The following ARHGAP32 variants were observed in gnomAD, a reference collection of about 807,000 sequenced individuals.
ARHGAP32 encodes the protein Rho GTPase activating protein 32.
A neutral mutation model predicts 186.5 loss-of-function variants in ARHGAP32; 51 were observed. The ratio of observed to expected loss-of-function variants is 0.27; its 90% CI spans 0.22 to 0.35. The LOEUF is 0.35. Ranked by LOEUF, ARHGAP32 falls within the 10% of genes least tolerant of loss-of-function variation. ARHGAP32 has a pLI of 1.00. For synonymous variants in ARHGAP32, 950 were observed against 964.3 expected (o/e 0.99, Z 0.27); for missense variants, 2,186 against 2,623.5 (o/e 0.83, Z 3.64).
At chr11:128,980,355 A>T (rs921766295) in intron 18 of ARHGAP32, 198 bp downstream of exon 18, 11 of 440,602 alleles carry the variant, frequency 2.5e-5, no homozygotes, top group African/African-American at 1.0e-4. Context: ...ATTACATGAC[A>T]TTGTAAAGCA....
intron 6 of ARHGAP32, among the ~76,000 whole-genome samples, chr11:129,088,994 T>TGAAAAA (rs1565416702): frequency 1.5e-5 from 1 of 65,572 alleles, no homozygotes. Context: ...AGAGACCTTG[T>TGAAAAA]CAAAAAAAAA....
chr11:128,970,166 C>T lies in ARHGAP32; in HGVS notation c.5047G>A (p.Asp1683Asn). The change falls in exon 23 of 23, where the codon GAT becomes AAT. Residue 1683 changes from aspartate to asparagine, a missense_variant. Asp to Asn is a conservative substitution (Grantham distance 23). Transcript: ENST00000682385. This position sits in a 1 kb window ranked among gnomAD's most constrained non-coding sequence, Gnocchi z 5.8. ...SYYSPDGALC[D>N]VDAYGTVQLR... ...TGGACTGTGCCATAGGCATCCACATCACACAGGGCCCCATCTGGACTGTAA... is the reference window on the plus strand; with the variant it reads ...TGGACTGTGCCATAGGCATCCACATTACACAGGGCCCCATCTGGACTGTAA... 1 of 1,614,204 alleles carries T rather than the reference C, an allele frequency of 6.2e-7. No individual in the cohort carries two copies. The highest frequency in any genetic ancestry group is 8.5e-7 in the Non-Finnish European group (1 of 1,180,038).
At chr11:129,276,974 G>A (rs964410560) in intron 1 of ARHGAP32, among the ~76,000 whole-genome samples, 1 of 152,062 alleles carries the variant, frequency 6.6e-6, no homozygotes, top group Non-Finnish European at 1.5e-5. Context: ...CACAATCATG[G>A]GTTAAATCCG....
Position 129,259,054 on chromosome 11 carries a change from T to C in ARHGAP32, c.-5+20092A>G, listed in dbSNP as rs945722617. Among the ~76,000 whole-genome samples, 3 of 152,276 alleles carry C rather than the reference T, an allele frequency of 2.0e-5. No homozygotes were observed. In the South Asian group the frequency reaches 6.2e-4, roughly 32 times the overall value. ...TCATAAAGAGAACTACCTAAAAGTA[T>C]ATGAAATAATACGCACAAATGCATT... On this transcript the variant is annotated intron_variant, in intron 1 of 6. Coordinates refer to the ARHGAP32 transcript ENST00000525234.
intron 7 of ARHGAP32, 62 bp from the exon 8 acceptor site, chr11:129,064,995 C>G (rs1940638996): frequency 2.2e-6 from 3 of 1,364,094 alleles, no homozygotes; most frequent in African/African-American, 2.9e-5. Context: ...GCAGGGAAAA[C>G]TGGATGGTTT....
chr11:129,162,475 G>A (rs1358826288), intron 2 of ARHGAP32, among the ~76,000 whole-genome samples: 1 of 152,150 alleles, frequency 6.6e-6, no homozygotes, highest in Non-Finnish European at 1.5e-5. Context: ...AATGTTGAGT[G>A]TGAAATGACT....
chr11:128,992,447 C>CAA (rs1946084051), intron 12 of ARHGAP32, among the ~76,000 whole-genome samples: 2 of 151,148 alleles, frequency 1.3e-5, no homozygotes, highest in African/African-American at 2.4e-5. Flanking sequence ...ACCACCACCA[C>CAA]CAACAACAAC....
chr11:129,079,236 C>T (rs1005627789), intron 6 of ARHGAP32, among the ~76,000 whole-genome samples: 3 of 152,168 alleles, frequency 2.0e-5, no homozygotes, highest in Admixed American at 6.5e-5. Context: ...GAGAGCCAGA[C>T]ATCCAAACAT....
chr11:129,052,503 A>G (rs927948345), intron 10 of ARHGAP32, among the ~76,000 whole-genome samples: 1 of 152,306 alleles, frequency 6.6e-6, no homozygotes, highest in Middle Eastern at 3.4e-3. Context: ...AAAAATATAC[A>G]GTCTTCCAAC....
chr11:129,021,056 G>T (rs1792777189), intron 11 of ARHGAP32, among the ~76,000 whole-genome samples: 1 of 151,906 alleles, frequency 6.6e-6, no homozygotes, highest in Non-Finnish European at 1.5e-5. Flanking sequence ...TACATGCAAG[G>T]CCACATTTAA....
intron 12 of ARHGAP32, among the ~76,000 whole-genome samples, chr11:128,990,341 C>T (rs930566531): frequency 1.6e-4 from 25 of 152,150 alleles, no homozygotes; most frequent in Admixed American, 3.9e-4. Flanking sequence ...GTGGGCTCTT[C>T]AAGAGCAAAA....
intron 1 of ARHGAP32, among the ~76,000 whole-genome samples, chr11:129,212,570 TTA>T (rs1333429210): frequency 2.6e-5 from 4 of 152,288 alleles, no homozygotes; most frequent in Middle Eastern, 3.4e-3. Context: ...TCAACATAAT[TTA>T]TGTTTTTCCC....
chr11:128,993,488 T>C (rs1401375399), intron 12 of ARHGAP32: 1 of 151,740 alleles, frequency 6.6e-6, no homozygotes, highest in East Asian at 1.9e-4. Context: ...ATACTGTATG[T>C]GTCTCATCTC....
At chr11:129,230,743 A>G (rs1944847201) in intron 1 of ARHGAP32, among the ~76,000 whole-genome samples, 1 of 152,200 alleles carries the variant, frequency 6.6e-6, no homozygotes, top group Non-Finnish European at 1.5e-5. Flanking sequence ...CAGGAACCAT[A>G]TCAAACATCA....
intron 1 of ARHGAP32, among the ~76,000 whole-genome samples, chr11:129,167,111 A>G (rs1221117673): frequency 6.6e-6 from 1 of 152,178 alleles, no homozygotes; most frequent in East Asian, 1.9e-4. Context: ...ATCTAAGAGA[A>G]GGCAGGAAAT....
intron 1 of ARHGAP32, among the ~76,000 whole-genome samples, chr11:129,272,400 T>C (rs577557863): frequency 2.6e-5 from 4 of 152,310 alleles, no homozygotes; most frequent in Admixed American, 1.3e-4. Context: ...ATTAACATCC[T>C]ACACTCTCAT....
chr11:129,138,729 C>A (rs949406668), intron 2 of ARHGAP32, among the ~76,000 whole-genome samples: 7 of 152,120 alleles, frequency 4.6e-5, no homozygotes, highest in African/African-American at 1.7e-4. Context: ...TGTGTCTAAC[C>A]CTTTCAAAAC....
At chr11:129,174,222 C>T (rs143504411) in intron 1 of ARHGAP32, among the ~76,000 whole-genome samples, 1,739 of 152,322 alleles carry the variant, frequency 0.011, 33 homozygotes, top group African/African-American at 0.04. Context: ...CCAAATACTG[C>T]GCTTTTCCGA....
At chr11:128,980,395 G>A (rs769755806) in intron 18 of ARHGAP32, 158 bp downstream of exon 18, 97 of 500,464 alleles carry the variant, frequency 1.9e-4, no homozygotes, top group Non-Finnish European at 1.5e-4. Context: ...CCCATGAAGC[G>A]GTAAGTATCA....
Sources: allele counts gnomAD v4.1 joint callset (sites outside exome capture counted in the v4.1 genomes callset), GRCh38; gene constraint gnomAD v4.1.1; non-coding constraint Gnocchi (gnomAD v3.1); transcripts MANE v1.5; gene names NCBI Gene and HGNC (gene_info 2026-07-23, HGNC 2026-07-21).